MYO9A: variants seen among roughly 807,000 people sequenced by gnomAD.
MYO9A encodes the protein unconventional myosin-IXa.
In MYO9A, 103 loss-of-function variants were observed where a neutral mutation model predicts 293.3. The observed-to-expected ratio is 0.35, with a 90% CI of 0.30 to 0.41. The LOEUF (loss-of-function observed/expected upper bound fraction) is 0.41. Among genes scored for constraint, MYO9A ranks in the 10% least tolerant of loss-of-function variants. The pLI is 1.00. For missense variants in MYO9A, 2,685 were observed against 3,033.0 expected, an observed-to-expected ratio of 0.89 and a Z score of 2.69; for synonymous variants, 1,001 against 1,035.7, an observed-to-expected ratio of 0.97 and a Z score of 0.64.
intron 19 of MYO9A, among the ~76,000 whole-genome samples, chr15:71,916,023 G>A (rs1326192267): frequency 2.0e-5 from 3 of 152,088 alleles, no homozygotes; most frequent in Non-Finnish European, 4.4e-5. Context: ...GCAGCATGAG[G>A]TTTAAGCAGG....
rs984978632 is a variant in MYO9A at position 71,824,417 on chromosome 15, A to AAATT, written c.*2159_*2162dup. ...TCTGGCCATTCCTCTGGGCCACAGG[A>AAATT]AATTATTCCATAAGGGCAATCTCTT... is the stretch of plus-strand genomic sequence containing the variant. On this transcript the variant is annotated 3_prime_UTR_variant, in exon 42 of 42. Transcript: ENST00000356056. 11 of 152,320 alleles carry AAATT rather than the reference A, an allele frequency of 7.2e-5. No homozygotes were observed. Among genetic ancestry groups the AAATT allele is most frequent in the African/African-American group, 2.6e-4 (11 of 41,564 alleles). 9.4% of individuals were successfully genotyped at this position (152,320 alleles called of 1,614,324 possible).
chr15:72,089,577 C>A (rs1221167654), intron 1 of MYO9A, among the ~76,000 whole-genome samples: 2 of 151,914 alleles, frequency 1.3e-5, no homozygotes, highest in African/African-American at 4.8e-5. Flanking sequence ...GCCAGGAGTT[C>A]GAGACCAGTC....
intron 2 of MYO9A, among the ~76,000 whole-genome samples, chr15:72,044,368 T>C (rs955639842): frequency 6.6e-6 from 1 of 151,018 alleles, no homozygotes; most frequent in African/African-American, 2.4e-5. Context: ...ACCGCACCAT[T>C]GCACTCCAGC....
Position 72,095,176 on chromosome 15 carries a change from C to T in MYO9A, c.-72+22504G>A, listed in dbSNP as rs1474658900. Reference sequence around the variant, plus strand: ...AAACCTAGACAGGCCAAAAGCTAGACCTCTTGTGCAAAACAGTTTGCCAAG... The same window carrying T: ...AAACCTAGACAGGCCAAAAGCTAGATCTCTTGTGCAAAACAGTTTGCCAAG... On this transcript the variant is annotated intron_variant, in intron 1 of 41. Coordinates refer to ENST00000356056, the MANE Select transcript of MYO9A (RefSeq NM_006901.4). 2.2e-5 allele frequency among the ~76,000 whole-genome samples: 2 copies of T among 92,702 alleles called. 1 individual carries two copies. The highest frequency in any genetic ancestry group is 4.6e-4 in the East Asian group (2 of 4,376). 60.8% of individuals were successfully genotyped at this position (92,702 alleles called of 152,430 possible).
chr15:72,028,214 A>ATAT (rs1555408252), intron 3 of MYO9A, among the ~76,000 whole-genome samples: 2 of 37,550 alleles, frequency 5.3e-5, no homozygotes, highest in African/African-American at 6.5e-5. Context: ...TAAATAAATA[A>ATAT]ATAAATATAT....
At chr15:71,949,621 T>A (rs2059006662) in intron 15 of MYO9A, among the ~76,000 whole-genome samples, 1 of 151,962 alleles carries the variant, frequency 6.6e-6, no homozygotes, top group Non-Finnish European at 1.5e-5. Flanking sequence ...GCTATTATAG[T>A]TATGTCTTTC....
intron 33 of MYO9A, 119 bp downstream of exon 33, chr15:71,862,381 T>C: frequency 2.7e-6 from 2 of 728,002 alleles, no homozygotes; most frequent in South Asian, 1.6e-5. Context: ...TAGCAAGAGA[T>C]GAGGTTAAAA....
chr15:71,835,031 T>C (rs1413189114), intron 39 of MYO9A, among the ~76,000 whole-genome samples: 2 of 152,088 alleles, frequency 1.3e-5, no homozygotes, highest in African/African-American at 4.8e-5. Context: ...TAATGTGTCA[T>C]ATCAATGCAA....
intron 18 of MYO9A, among the ~76,000 whole-genome samples, chr15:71,925,751 T>C (rs2058295495): frequency 1.3e-5 from 2 of 152,338 alleles, no homozygotes; most frequent in African/African-American, 4.8e-5. Context: ...TAATTGTAGC[T>C]ATAGACATCA....
chr15:71,859,837 T>G (rs2056039328), intron 33 of MYO9A, 41 bp from the exon 34 acceptor site: 7 of 1,530,690 alleles, frequency 4.6e-6, no homozygotes, highest in Non-Finnish European at 6.3e-6. Flanking sequence ...TAGAAGTCTG[T>G]ACATCAGTGA....
intron 1 of MYO9A, among the ~76,000 whole-genome samples, chr15:72,104,213 T>C: frequency 6.6e-6 from 1 of 152,356 alleles, no homozygotes; most frequent in East Asian, 1.9e-4. Flanking sequence ...TAGTATATAC[T>C]GTGTTGCCAG....
chr15:72,091,586 G>C (rs1380320890), intron 1 of MYO9A, among the ~76,000 whole-genome samples: 1 of 151,958 alleles, frequency 6.6e-6, no homozygotes, highest in East Asian at 1.9e-4. Flanking sequence ...CTCTCTCTCT[G>C]AGCCTTAATT....
chr15:71,835,385 GA>G (rs1252951162), intron 39 of MYO9A, among the ~76,000 whole-genome samples: 2 of 152,084 alleles, frequency 1.3e-5, no homozygotes, highest in Non-Finnish European at 2.9e-5. Flanking sequence ...TGTACAGGTA[GA>G]AAATCCAAAG....
rs564677409 is a variant in MYO9A at position 71,864,264 on chromosome 15, C to G, written c.5980-1653G>C. ...TCATTAGTTATCAAAGAAATGCAAACTAAAACCACAATGAAATACTACTTC... is the reference window on the plus strand; with the variant it reads ...TCATTAGTTATCAAAGAAATGCAAAGTAAAACCACAATGAAATACTACTTC... On this transcript the variant is annotated intron_variant, in intron 32 of 41. Transcript: ENST00000356056. 3.9e-5 allele frequency among the ~76,000 whole-genome samples: 6 copies of G among 152,224 alleles called. No individual in the cohort carries two copies. The East Asian group carries it at 9.6e-4, about 24-fold the overall frequency.
intron 1 of MYO9A, among the ~76,000 whole-genome samples, chr15:72,065,131 A>C (rs2078981523): frequency 1.3e-5 from 2 of 152,228 alleles, no homozygotes; most frequent in South Asian, 4.1e-4. Flanking sequence ...GATTGTCTAG[A>C]AAAATTAATT....
rs1433400676 is a variant in MYO9A at position 71,845,584 on chromosome 15, A to G, written c.6837+3261T>C. ...ACATCTGTACTAATTACATACAAGC[A>G]ATTGTGGGTTCAACTGCTGTCACCG... On this transcript the variant is annotated intron_variant, in intron 39 of 41. Coordinates refer to ENST00000356056, the MANE Select transcript of MYO9A (RefSeq NM_006901.4). Among the ~76,000 whole-genome samples, 3 of 152,204 alleles carry G rather than the reference A, an allele frequency of 2.0e-5. No homozygotes were observed. In the South Asian group the frequency reaches 6.2e-4, roughly 32 times the overall value.
Position 72,028,240 on chromosome 15 carries a change from A to ATAT in MYO9A, c.936-448_936-447insATA, listed in dbSNP as rs1429916158. Among the ~76,000 whole-genome samples, 38 of 79,698 alleles carry ATAT rather than the reference A, an allele frequency of 4.8e-4. No individual in the cohort carries two copies. In the Middle Eastern group the frequency reaches 0.023, roughly 48 times the overall value. The allele number at this position is 79,698 out of a possible 152,430, so 52.3% of individuals were successfully genotyped here. ...ATAAATATATATATATATATATATA[A>ATAT]ATATATATATGTACATACTATTATA... On this transcript the variant is annotated intron_variant, in intron 3 of 41. Transcript: ENST00000356056.
intron 8 of MYO9A, among the ~76,000 whole-genome samples, chr15:72,004,545 G>A (rs1053309621): frequency 5.3e-5 from 8 of 151,796 alleles, no homozygotes; most frequent in East Asian, 1.9e-4. Flanking sequence ...CAACAACAGC[G>A]AAACTCCATC....
At chr15:71,843,204 G>A (rs1180352570) in intron 39 of MYO9A, among the ~76,000 whole-genome samples, 2 of 151,914 alleles carry the variant, frequency 1.3e-5, no homozygotes, top group African/African-American at 4.8e-5. Flanking sequence ...CGAGGTGGGT[G>A]GATCACTTGA....
Sources: gnomAD v4.1 joint callset for allele counts (sites outside exome capture counted in the v4.1 genomes callset) on GRCh38, gnomAD v4.1.1 for gene constraint, MANE v1.5 for transcripts, NCBI Gene and HGNC (gene_info 2026-07-23, HGNC 2026-07-21) for gene names.